Variants in PNPLA8 observed in about 807,000 individuals in gnomAD.
The protein encoded by PNPLA8 is calcium-independent phospholipase A2-gamma.
A neutral mutation model predicts 76.9 loss-of-function variants in PNPLA8; 39 were observed. The ratio of observed to expected loss-of-function variants is 0.51; its 90% confidence interval spans 0.39 to 0.66. PNPLA8 has a LOEUF of 0.66. Among genes scored for constraint, PNPLA8 ranks in the 30% least tolerant of loss-of-function variants. PNPLA8 has a pLI of 0.00. For synonymous variants in PNPLA8, 301 were observed against 307.9 expected (o/e 0.98, Z 0.24); for missense variants, 887 against 918.0 (o/e 0.97, Z 0.44).
chr7:108,496,742 A>T lies in PNPLA8; in HGVS notation c.1467T>A (p.Ala489=). The T allele has an allele frequency of 6.2e-7, 1 of 1,610,164 alleles. No individual in the cohort carries two copies. The highest frequency in any genetic ancestry group is 1.3e-5 in the African/African-American group (1 of 74,816). Residue 489 remains alanine (A), a synonymous_variant, in exon 7 of 11, where the codon GCT becomes GCA. Transcript: ENST00000257694. ...ICGVSTGAIL[A]FMLGLFHMPL... is the part of the protein sequence containing the mutation. ...GCATATGAAACAACCCCAACATGAAAGCTAATATGGCACCTGGAAAAAAGA... is the reference window on the plus strand; with the variant it reads ...GCATATGAAACAACCCCAACATGAATGCTAATATGGCACCTGGAAAAAAGA...
intron 4 of PNPLA8, among the ~76,000 whole-genome samples, chr7:108,513,126 C>T (rs1343715205): frequency 1.3e-5 from 2 of 152,012 alleles, no homozygotes; most frequent in Admixed American, 1.3e-4. Context: ...TATAAATTAC[C>T]CAAGCTAAGG....
At chr7:108,510,563 C>G in intron 4 of PNPLA8, 1 of 1,446,032 alleles carries the variant, frequency 6.9e-7, no homozygotes, top group East Asian at 2.3e-5. Flanking sequence ...GTTGCAGCTT[C>G]TTCGCCTTCG....
At chr7:108,498,202 T>C (rs1861696088) in intron 5 of PNPLA8, among the ~76,000 whole-genome samples, 1 of 151,668 alleles carries the variant, frequency 6.6e-6, no homozygotes, top group African/African-American at 2.4e-5. Flanking sequence ...TGCCATACCT[T>C]GGTTTCCTCT....
chr7:108,481,087 C>T (rs140674976), intron 9 of PNPLA8, among the ~76,000 whole-genome samples: 2 of 152,264 alleles, frequency 1.3e-5, no homozygotes, highest in South Asian at 2.1e-4. Context: ...TATGGATGTA[C>T]CACACAGTTC....
rs1015353716 is a variant in PNPLA8 at position 108,497,465 on chromosome 7, C to A, written c.1453+18G>T. 2.4e-5 allele frequency: 35 copies of A among 1,469,712 alleles called. No individual in the cohort carries two copies. Among genetic ancestry groups the A allele is most frequent in the Non-Finnish European group, 3.3e-5 (35 of 1,055,288 alleles). 91.0% of individuals were successfully genotyped at this position (1,469,712 alleles called of 1,614,324 possible). A position where few individuals can be genotyped will look rare whatever the true frequency, so the allele number is the denominator to read the frequency against. On this transcript the variant is annotated intron_variant, in intron 6 of 10. Transcript: ENST00000257694. ...AATGTACTGCCAGAATGCACCACTTCCATATAATAATAATTACCTGTGCTT... is the reference window on the plus strand; with the variant it reads ...AATGTACTGCCAGAATGCACCACTTACATATAATAATAATTACCTGTGCTT...
In PNPLA8 at chr7:108,474,418, C is replaced by T. The variant is rs546214794; in HGVS notation, c.2075-1743G>A. 1.4e-4 allele frequency among the ~76,000 whole-genome samples: 21 copies of T among 152,116 alleles called. No individual in the cohort carries two copies. The South Asian group carries it at 4.4e-3, about 32-fold the overall frequency. On this transcript the variant is annotated intron_variant, in intron 10 of 10. Coordinates refer to ENST00000257694, the MANE Select transcript of PNPLA8 (RefSeq NM_001256007.3). ...TAAAGCATTAAAAGGAAATGAAGGG[C>T]ATGTAGATTAAAAAGGAAGTAAAAC...
intron 2 of PNPLA8, among the ~76,000 whole-genome samples, chr7:108,517,928 T>C (rs1863458577): frequency 6.6e-6 from 1 of 152,208 alleles, no homozygotes; most frequent in Admixed American, 6.5e-5. Context: ...TACACATGCC[T>C]GGCTTAGGTA....
chr7:108,495,883 T>C (rs1443822585), intron 7 of PNPLA8, among the ~76,000 whole-genome samples: 3 of 152,166 alleles, frequency 2.0e-5, no homozygotes, highest in Non-Finnish European at 4.4e-5. Flanking sequence ...ACAACTACAA[T>C]CTAATATCAG....
intron 2 of PNPLA8, among the ~76,000 whole-genome samples, chr7:108,516,657 C>T (rs1420352378): frequency 1.3e-5 from 2 of 152,184 alleles, no homozygotes; most frequent in East Asian, 3.9e-4. Flanking sequence ...AATCCCAGCA[C>T]TTTAGGAGGC....
intron 5 of PNPLA8, among the ~76,000 whole-genome samples, chr7:108,501,965 A>T (rs919060961): frequency 5.3e-5 from 8 of 152,194 alleles, no homozygotes; most frequent in African/African-American, 1.9e-4. Context: ...AATCAAATCA[A>T]ATCAAATACA....
At chr7:108,492,160 CTCA>C (rs1861230027) in intron 7 of PNPLA8, among the ~76,000 whole-genome samples, 1 of 152,186 alleles carries the variant, frequency 6.6e-6, no homozygotes, top group Non-Finnish European at 1.5e-5. Flanking sequence ...ACCAGCCTTC[CTCA>C]TGAGTAAAAC....
intron 9 of PNPLA8, among the ~76,000 whole-genome samples, chr7:108,486,685 T>C (rs1289943276): frequency 6.6e-6 from 1 of 152,144 alleles, no homozygotes; most frequent in Non-Finnish European, 1.5e-5. Flanking sequence ...ATATAAGCTA[T>C]TGTATCAAAA....
At chr7:108,525,081 T>TA (rs200739940) in intron 1 of PNPLA8, among the ~76,000 whole-genome samples, 2,936 of 151,952 alleles carry the variant, frequency 0.019, 51 homozygotes, top group Non-Finnish European at 0.03. Context: ...GATATAGAAA[T>TA]AAAAAAAGAG....
At chr7:108,476,977 C>T (rs952544854) in intron 10 of PNPLA8, among the ~76,000 whole-genome samples, 6 of 152,096 alleles carry the variant, frequency 3.9e-5, no homozygotes, top group Non-Finnish European at 2.9e-5. Flanking sequence ...TTGCCAGACA[C>T]TGGGGAGTAG....
chr7:108,524,225 T>C (rs1401426710), intron 1 of PNPLA8, among the ~76,000 whole-genome samples: 2 of 152,220 alleles, frequency 1.3e-5, no homozygotes, highest in Non-Finnish European at 2.9e-5. Flanking sequence ...AAGCTTTTCT[T>C]CCTTGAAAAA....
rs1274655549 is a variant in PNPLA8, at chr7:108,470,451, GAAAT to G, written c.*1946_*1949del. On this transcript the variant is annotated 3_prime_UTR_variant, in exon 11 of 11. Transcript: ENST00000257694. The stretch of plus-strand genomic sequence containing the variant: ...CTTGTGTAATGTATTATTTAAGAAA[GAAAT>G]AAGCCAAGCACAAATAAGGGACATA... 6.9e-6 allele frequency: 1 copy of G among 144,098 alleles called. No individual in the cohort carries two copies. Among genetic ancestry groups the G allele is most frequent in the Non-Finnish European group, 1.5e-5 (1 of 66,046 alleles). The allele number at this position is 144,098 out of a possible 1,614,324, so 8.9% of individuals were successfully genotyped here. A position where few individuals can be genotyped will look rare whatever the true frequency, so the allele number is the denominator to read the frequency against.
At chr7:108,476,324 C>T (rs1354159868) in intron 10 of PNPLA8, among the ~76,000 whole-genome samples, 5 of 152,194 alleles carry the variant, frequency 3.3e-5, no homozygotes, top group African/African-American at 1.2e-4. Flanking sequence ...GCACAAAGTA[C>T]AGACTTAACT....
intron 9 of PNPLA8, among the ~76,000 whole-genome samples, chr7:108,485,478 A>G (rs1051823983): frequency 3.9e-5 from 6 of 152,136 alleles, no homozygotes; most frequent in African/African-American, 1.4e-4. Context: ...ACTACAATGG[A>G]TACCAAGTAA....
intron 6 of PNPLA8, among the ~76,000 whole-genome samples, chr7:108,497,063 G>A (rs1336754734): frequency 6.6e-6 from 1 of 152,082 alleles, no homozygotes; most frequent in Non-Finnish European, 1.5e-5. Flanking sequence ...ATTTACAAAT[G>A]TGTTGTTTTA....
Sources: gnomAD v4.1 joint callset for allele counts (sites outside exome capture counted in the v4.1 genomes callset) on GRCh38, gnomAD v4.1.1 for gene constraint, MANE v1.5 for transcripts, NCBI Gene and HGNC (gene_info 2026-07-23, HGNC 2026-07-21) for gene names.